Variants in EXD3 observed in about 807,000 individuals in gnomAD.
EXD3 encodes the protein exonuclease 3'-5' domain containing 3, also known as exonuclease mut-7 homolog.
Under a neutral mutation model 98.0 loss-of-function variants are expected in EXD3, and 92 were observed. That is an observed-to-expected ratio of 0.94 (90% CI 0.79 to 1.12). The LOEUF is 1.12. EXD3 is among the 50% of genes most tolerant of loss of function. EXD3 has a pLI of 0.00. For missense variants in EXD3, 1,222 were observed against 1,191.6 expected (o/e 1.03, Z -0.38); for synonymous variants, 569 against 526.0 (o/e 1.08, Z -1.12).
intron 19 of EXD3, among the ~76,000 whole-genome samples, chr9:137,315,264 G>A (rs1318874317): frequency 6.6e-6 from 1 of 152,236 alleles, no homozygotes; most frequent in Admixed American, 6.5e-5. Context: ...CCCCCCGACC[G>A]GGCTTTCGGG....
intron 17 of EXD3, among the ~76,000 whole-genome samples, chr9:137,334,296 C>T (rs1307040321): frequency 6.6e-6 from 1 of 152,146 alleles, no homozygotes; most frequent in Admixed American, 6.5e-5. Flanking sequence ...GCCACTGCAC[C>T]TGGCCTCAGG....
In EXD3 at chr9:137,366,518, C is replaced by A. The variant is rs199654955; in HGVS notation, c.631G>T (p.Gly211Cys). The A allele has an allele frequency of 1.9e-5, 29 of 1,550,972 alleles. No individual in the cohort carries two copies. The highest frequency in any genetic ancestry group is 2.4e-5 in the Non-Finnish European group (28 of 1,147,270). The stretch of plus-strand genomic sequence containing the variant: ...CTGGCAACGTCCTTGATGTCAAAGC[C>A]GGGCTGGCACCAGGAATCCATGAGG... ...LVLMDSWCQP[G>C]FDIKDVARRY... Residue 211 changes from glycine to cysteine, a missense_variant, in exon 7 of 22, where the codon GGC becomes TGC. Physicochemically the swap from Gly to Cys is radical, Grantham distance 159 (BLOSUM62 -3). Coordinates refer to ENST00000340951, the MANE Select transcript of EXD3 (RefSeq NM_017820.5).
intron 17 of EXD3, among the ~76,000 whole-genome samples, chr9:137,330,795 C>T (rs1055520089): frequency 2.0e-5 from 3 of 152,058 alleles, no homozygotes; most frequent in African/African-American, 7.2e-5. Flanking sequence ...GAAAAATGGC[C>T]CCAATTAAAG....
intron 10 of EXD3, chr9:137,353,356 G>A: frequency 3.0e-6 from 3 of 985,360 alleles, no homozygotes; most frequent in Non-Finnish European, 3.6e-6. Flanking sequence ...CAGGAGCCCG[G>A]GCATGTTTTC....
At chr9:137,391,120 G>A (rs1446560503) in intron 2 of EXD3, among the ~76,000 whole-genome samples, 2 of 152,184 alleles carry the variant, frequency 1.3e-5, no homozygotes, top group Non-Finnish European at 2.9e-5. Context: ...GGCCTCGGCC[G>A]CCGCCCTTCC....
intron 4 of EXD3, 29 bp downstream of exon 4, chr9:137,373,397 G>T: frequency 1.3e-6 from 2 of 1,598,888 alleles, no homozygotes; most frequent in Non-Finnish European, 1.7e-6. Flanking sequence ...CAGGAAGGGA[G>T]GTGACTGTCA....
chr9:137,352,801 G>C lies in EXD3; in HGVS notation c.871-15C>G, dbSNP rs758679120. The C allele has an allele frequency of 2.0e-5, 31 of 1,577,188 alleles. No individual in the cohort carries two copies. The highest frequency in any genetic ancestry group is 2.6e-5 in the Non-Finnish European group (30 of 1,164,100). On this transcript the variant is annotated splice_polypyrimidine_tract_variant and intron_variant, in intron 10 of 21. Coordinates refer to ENST00000340951, the MANE Select transcript of EXD3 (RefSeq NM_017820.5). ...CCCACCAGGCCCTGTGAGGAGGGTGGCCGTGAGGATGGAGATGGGGACATT... is the reference window on the plus strand; with the variant it reads ...CCCACCAGGCCCTGTGAGGAGGGTGCCCGTGAGGATGGAGATGGGGACATT...
chr9:137,374,787 C>T, intron 3 of EXD3: 1 of 985,474 alleles, frequency 1.0e-6, no homozygotes, highest in Non-Finnish European at 1.2e-6. Flanking sequence ...GAAAGCCGCC[C>T]TTAAACAAAG....
At chr9:137,354,012 G>A in intron 10 of EXD3, 1 of 1,155,568 alleles carries the variant, frequency 8.7e-7, no homozygotes, top group Non-Finnish European at 1.1e-6. Context: ...CCTCGCCCAG[G>A]CGCCTTGCAC....
intron 17 of EXD3, among the ~76,000 whole-genome samples, chr9:137,328,454 C>G (rs973075231): frequency 6.6e-6 from 1 of 151,514 alleles, no homozygotes; most frequent in Non-Finnish European, 1.5e-5. Flanking sequence ...GTAAAAACAA[C>G]TAATATACAC....
chr9:137,412,612 A>G lies in EXD3; in HGVS notation c.-48+10502T>C, dbSNP rs114522755. The stretch of plus-strand genomic sequence containing the variant: ...CCAGAGCCCCCCGGGAGCAGCCCCC[A>G]GAGGCACGAGGGCACAGCAGGATGA... On this transcript the variant is annotated intron_variant, in intron 1 of 21. Transcript: ENST00000340951. 3.2e-3 allele frequency among the ~76,000 whole-genome samples: 490 copies of G among 152,212 alleles called. 5 individuals carry two copies. The highest frequency in any genetic ancestry group is 0.011 in the African/African-American group (443 of 41,534).
At chr9:137,354,309 G>A in intron 10 of EXD3, 30 bp downstream of exon 10, 1 of 1,610,836 alleles carries the variant, frequency 6.2e-7, no homozygotes, top group Non-Finnish European at 8.5e-7. Context: ...AGGCCGCCCT[G>A]CCGGCTTACA....
intron 7 of EXD3, among the ~76,000 whole-genome samples, chr9:137,359,191 G>C (rs745682713): frequency 1.2e-5 from 1 of 82,354 alleles, no homozygotes; most frequent in Non-Finnish European, 3.0e-5. Context: ...GGTTAGTCTC[G>C]ATCTCCTGAC....
At chr9:137,352,332 G>A (rs1051357044) in intron 11 of EXD3, 131 bp from the exon 12 acceptor site, 7 of 1,309,588 alleles carry the variant, frequency 5.3e-6, no homozygotes, top group East Asian at 2.3e-5. Context: ...CTCCCACACC[G>A]GCTCAGTCCA....
intron 1 of EXD3, among the ~76,000 whole-genome samples, chr9:137,412,171 C>T (rs573176982): frequency 1.3e-5 from 2 of 152,192 alleles, no homozygotes; most frequent in Non-Finnish European, 2.9e-5. Context: ...AGACCCAGAG[C>T]GAGTGGGCGG....
In EXD3 at chr9:137,373,474, G is replaced by A. The variant is rs780170414; in HGVS notation, c.246C>T (p.His82=). 8 of 1,609,758 alleles carry A rather than the reference G, an allele frequency of 5.0e-6. No homozygotes were observed. The South Asian group carries it at 8.8e-5, about 18-fold the overall frequency. Residue 82 remains histidine (H), a synonymous_variant, in exon 4 of 22, where the codon CAC becomes CAT. Coordinates refer to ENST00000340951, the MANE Select transcript of EXD3 (RefSeq NM_017820.5). ...GTGCCTGTAGCCAGCACTGCAGCTG[G>A]TGGGAGATCCAGGCCGCCAGGGAGG... The part of the protein sequence containing the change: ...EGPSLAAWIS[H]QLQCWLQAQP...
intron 2 of EXD3, among the ~76,000 whole-genome samples, chr9:137,389,214 C>T (rs1052844958): frequency 2.6e-5 from 4 of 152,322 alleles, no homozygotes; most frequent in African/African-American, 7.2e-5. Context: ...AGGACAGAGG[C>T]GGCAACGAGA....
chr9:137,321,305 G>A (rs117726422), intron 19 of EXD3, among the ~76,000 whole-genome samples: 2,769 of 152,294 alleles, frequency 0.018, 94 homozygotes, highest in East Asian at 0.16. Context: ...GCCCCTCCCT[G>A]CCCAGCCCAG....
intron 8 of EXD3, 27 bp from the exon 9 acceptor site, chr9:137,354,800 G>A (rs771229909): frequency 3.1e-4 from 503 of 1,598,122 alleles, no homozygotes; most frequent in Non-Finnish European, 4.1e-4. Flanking sequence ...GCTCAGCACT[G>A]AGGGCTCAGG....
Sources: gnomAD v4.1 joint callset for allele counts (sites outside exome capture counted in the v4.1 genomes callset) on GRCh38, gnomAD v4.1.1 for gene constraint, MANE v1.5 for transcripts, NCBI Gene and HGNC (gene_info 2026-07-23, HGNC 2026-07-21) for gene names.